Variants in CAPN3 observed in about 807,000 individuals in gnomAD.
CAPN3 encodes calpain-3.
A neutral mutation model predicts 114.0 loss-of-function variants in CAPN3; 88 were observed. The observed-to-expected ratio is 0.77, with a 90% CI of 0.65 to 0.92. The LOEUF (loss-of-function observed/expected upper bound fraction) is 0.92, where lower values mean the gene tolerates loss of function less well. Ranked by LOEUF, CAPN3 falls within the 40% of genes least tolerant of loss-of-function variation. CAPN3 has a pLI of 0.00. For synonymous variants in CAPN3, 386 were observed against 382.9 expected (o/e 1.01, Z -0.09); for missense variants, 1,028 against 1,069.0 (o/e 0.96, Z 0.53).
At chr15:42,401,476 C>CT (rs1566980195) in intron 10 of CAPN3, among the ~76,000 whole-genome samples, 165 bp from the exon 11 acceptor site, 1 of 104,902 alleles carries the variant, frequency 9.5e-6, no homozygotes, top group African/African-American at 3.5e-5. Context: ...AGGTAGCGCC[C>CT]CCCCCCCCCC....
chr15:42,366,733 G>A (rs1166577967), intron 1 of CAPN3, among the ~76,000 whole-genome samples: 1 of 151,966 alleles, frequency 6.6e-6, no homozygotes, highest in Non-Finnish European at 1.5e-5. Context: ...AGAACTGAAA[G>A]GAAAATGGAG....
intron 9 of CAPN3, among the ~76,000 whole-genome samples, chr15:42,398,780 CTTT>C (rs765133190): frequency 9.9e-6 from 1 of 101,322 alleles, no homozygotes; most frequent in Non-Finnish European, 1.8e-5. Flanking sequence ...AGCATTAGAG[CTTT>C]TTTTTTTTTT....
At chr15:42,411,410 C>A in intron 23 of CAPN3, 65 bp downstream of exon 23, 1 of 1,394,942 alleles carries the variant, frequency 7.2e-7, no homozygotes, top group Non-Finnish European at 1.0e-6. Context: ...GTCAACGGGG[C>A]GGACTGGACC....
At chr15:42,368,605 C>CT (rs1566968721) in intron 1 of CAPN3, among the ~76,000 whole-genome samples, 7 of 152,216 alleles carry the variant, frequency 4.6e-5, no homozygotes, top group South Asian at 2.1e-4. Flanking sequence ...TCATAGGACT[C>CT]TAACTCTGTA....
intron 22 of CAPN3, 110 bp downstream of exon 22, chr15:42,411,110 A>T (rs1044866326): frequency 9.3e-7 from 1 of 1,079,724 alleles, no homozygotes; most frequent in Non-Finnish European, 1.4e-6. Context: ...ACAAGGGCCA[A>T]TGACCTCTTT....
rs773078302 is a variant in CAPN3, at chr15:42,401,845, A to G, written c.1524+35A>G. 6.3e-6 allele frequency: 10 copies of G among 1,597,492 alleles called. No individual in the cohort carries two copies. The South Asian group carries it at 9.0e-5, about 14-fold the overall frequency. On this transcript the variant is annotated intron_variant, in intron 11 of 23. Transcript: ENST00000397163. ...CCTGATTGGCTCCAGCCCAGGAAAC[A>G]TACTTTCCCAGGGAGGACGCTTCCA...
At chr15:42,384,421 C>G (rs1482217065) in intron 1 of CAPN3, 62 bp from the exon 2 acceptor site, 3 of 1,195,810 alleles carry the variant, frequency 2.5e-6, no homozygotes, top group Non-Finnish European at 3.8e-6. Flanking sequence ...AAAAAAATAC[C>G]TATCTATCTA....
intron 2 of CAPN3, 26 bp from the exon 3 acceptor site, chr15:42,386,141 G>C (rs548911867): frequency 6.5e-7 from 1 of 1,531,690 alleles, no homozygotes; most frequent in East Asian, 2.2e-5. Context: ...GAGTGCTCAC[G>C]ATCTGTGCCC....
intron 10 of CAPN3, among the ~76,000 whole-genome samples, chr15:42,399,853 G>A (rs969038715): frequency 1.2e-4 from 19 of 152,212 alleles, no homozygotes; most frequent in Non-Finnish European, 2.9e-5. Context: ...GAAACTGTGG[G>A]AACAATGCAG....
At position 42,372,725 on chromosome 15, in the gene CAPN3, G is replaced by A. The variant is rs191788274; in HGVS notation, c.310-11758G>A. On this transcript the variant is annotated intron_variant, in intron 1 of 23. Coordinates refer to ENST00000397163, the MANE Select transcript of CAPN3 (RefSeq NM_000070.3). ...TAGCCAGGCGTGATGGTGGGTGCCTGTAATCCCAGCTACTTGGGAGGCTGA... is the reference window on the plus strand; with the variant it reads ...TAGCCAGGCGTGATGGTGGGTGCCTATAATCCCAGCTACTTGGGAGGCTGA... Among the ~76,000 whole-genome samples, 5 of 152,194 alleles carry A rather than the reference G, an allele frequency of 3.3e-5. No individual in the cohort carries two copies. The East Asian group carries it at 7.8e-4, about 24-fold the overall frequency.
intron 9 of CAPN3, among the ~76,000 whole-genome samples, chr15:42,398,850 T>A (rs1474301872): frequency 7.5e-6 from 1 of 133,526 alleles, no homozygotes; most frequent in Non-Finnish European, 1.6e-5. Flanking sequence ...AATGGCGCAA[T>A]ATCGGCTCAC....
intron 1 of CAPN3, among the ~76,000 whole-genome samples, chr15:42,366,283 T>C (rs1411312152): frequency 2.0e-5 from 3 of 152,192 alleles, no homozygotes; most frequent in Non-Finnish European, 4.4e-5. Flanking sequence ...CCCAGGCTCT[T>C]TCTTTCTTCC....
rs774114705 is a variant in CAPN3, at chr15:42,387,780, G to A, written c.526G>A (p.Val176Met). 4.0e-5 allele frequency: 64 copies of A among 1,614,218 alleles called. No individual in the cohort carries two copies. The East Asian group carries it at 7.6e-4, about 19-fold the overall frequency. ...QFWRYGEWVD[V>M]VIDDCLPTYN... ...CTGGCGCTATGGAGAGTGGGTGGAC[G>A]TGGTTATAGATGACTGCCTGCCAAC... Residue 176 changes from valine (V) to methionine (M), a missense_variant, in exon 4 of 24, where the codon GTG becomes ATG. Transcript: ENST00000397163.
Position 42,359,724 on chromosome 15 carries a change from C to T in CAPN3, c.-82C>T. The stretch of plus-strand genomic sequence containing the variant: ...TCAGATGACAGAATTACTCCAACTT[C>T]CCCTTTGCAGTTGCTTCCTTTCCTT... On this transcript the variant is annotated 5_prime_UTR_variant, in exon 1 of 24. Coordinates refer to ENST00000397163, the MANE Select transcript of CAPN3 (RefSeq NM_000070.3). 1 of 1,602,834 alleles carries T rather than the reference C, an allele frequency of 6.2e-7. No homozygotes were observed. Among genetic ancestry groups the T allele is most frequent in the Non-Finnish European group, 8.5e-7 (1 of 1,176,702 alleles).
At chr15:42,411,243 G>T (rs1204884756) in intron 22 of CAPN3, 44 bp from the exon 23 acceptor site, 1 of 1,518,674 alleles carries the variant, frequency 6.6e-7, no homozygotes, top group Non-Finnish European at 9.2e-7. Context: ...AGTAGAGGCG[G>T]AGTGCGCCTG....
At chr15:42,376,487 T>C (rs2053091664) in intron 1 of CAPN3, among the ~76,000 whole-genome samples, 1 of 152,120 alleles carries the variant, frequency 6.6e-6, no homozygotes, top group South Asian at 2.1e-4. Context: ...TTGTCCCAGC[T>C]TTCTTCACTG....
chr15:42,377,642 T>C (rs544459462), intron 1 of CAPN3, among the ~76,000 whole-genome samples: 31 of 152,336 alleles, frequency 2.0e-4, no homozygotes, highest in African/African-American at 7.2e-4. Context: ...TATTAGAGTA[T>C]CTTTTACTGG....
At chr15:42,367,565 T>C (rs776364988) in intron 1 of CAPN3, among the ~76,000 whole-genome samples, 3 of 152,196 alleles carry the variant, frequency 2.0e-5, no homozygotes, top group Non-Finnish European at 4.4e-5. Context: ...CCCAGAGATA[T>C]AGGACCAAAA....
chr15:42,400,164 C>T (rs987927258), intron 10 of CAPN3, among the ~76,000 whole-genome samples: 1 of 152,324 alleles, frequency 6.6e-6, no homozygotes, highest in Admixed American at 6.5e-5. Flanking sequence ...ATGTGCATCT[C>T]TTTCACATTG....
Sources: allele counts gnomAD v4.1 joint callset (sites outside exome capture counted in the v4.1 genomes callset), GRCh38; gene constraint gnomAD v4.1.1; transcripts MANE v1.5; gene names NCBI Gene and HGNC (gene_info 2026-07-23, HGNC 2026-07-21).